The following INPP4B variants were observed in gnomAD, a reference collection of about 807,000 sequenced individuals.
The protein encoded by INPP4B is inositol polyphosphate 4-phosphatase type II.
In INPP4B, 55 loss-of-function variants were observed where a neutral mutation model predicts 122.5. The observed-to-expected ratio is 0.45, with a 90% CI of 0.36 to 0.56. INPP4B has a LOEUF of 0.56. Ranked by LOEUF, INPP4B falls within the 20% of genes least tolerant of loss-of-function variation. The probability of loss-of-function intolerance (pLI) is 0.00; values close to 1 mark genes in which losing one functional copy is unlikely to be tolerated. For missense variants in INPP4B, 1,000 were observed against 1,097.7 expected (o/e 0.91, Z 1.26); for synonymous variants, 403 against 388.7 (o/e 1.04, Z -0.43).
rs1042138201 is a variant in INPP4B at position 142,295,675 on chromosome 4, G to A, written c.503+9783C>T. Reference sequence around the variant, plus strand: ...CGACATGTGTCCTCTGAGCATCTTCGAGGGCCTTGAAAGGCTACTGAAGGC... The same window carrying A: ...CGACATGTGTCCTCTGAGCATCTTCAAGGGCCTTGAAAGGCTACTGAAGGC... On this transcript the variant is annotated intron_variant, in intron 9 of 25. Transcript: ENST00000262992. 3.3e-5 allele frequency among the ~76,000 whole-genome samples: 5 copies of A among 151,946 alleles called. No homozygotes were observed. In the East Asian group the frequency reaches 7.7e-4, roughly 23 times the overall value.
intron 7 of INPP4B, among the ~76,000 whole-genome samples, chr4:142,394,292 C>G (rs533205780): frequency 2.0e-5 from 3 of 152,120 alleles, no homozygotes; most frequent in Non-Finnish European, 4.4e-5. Flanking sequence ...ACTACAGGCT[C>G]CTGTCACCAC....
intron 3 of INPP4B, among the ~76,000 whole-genome samples, chr4:142,440,098 G>A (rs17016128): frequency 0.043 from 6,523 of 152,174 alleles, 310 homozygotes; most frequent in African/African-American, 0.11. Flanking sequence ...ATTCCAATAA[G>A]CACTAGATAA....
intron 17 of INPP4B, among the ~76,000 whole-genome samples, chr4:142,158,923 T>G (rs1818627146): frequency 1.3e-5 from 2 of 152,038 alleles, no homozygotes; most frequent in South Asian, 4.1e-4. Context: ...GGATGTTTAT[T>G]AAATAAAATA....
intron 2 of INPP4B, among the ~76,000 whole-genome samples, chr4:142,649,096 C>A (rs192063222): frequency 8.5e-5 from 13 of 152,308 alleles, no homozygotes; most frequent in Admixed American, 8.5e-4. Flanking sequence ...AGTGGACTTC[C>A]AGCAAACTTC....
chr4:142,190,726 G>C (rs1203539541), intron 15 of INPP4B, among the ~76,000 whole-genome samples: 1 of 143,764 alleles, frequency 7.0e-6, no homozygotes, highest in Admixed American at 7.0e-5. Context: ...GAGTGTGTGT[G>C]TGTGTGTGTG....
intron 15 of INPP4B, among the ~76,000 whole-genome samples, chr4:142,191,807 T>C: frequency 6.6e-6 from 1 of 151,824 alleles, no homozygotes; most frequent in East Asian, 1.9e-4. Flanking sequence ...CAAACAAAAA[T>C]GAACAAAAAA....
At chr4:142,501,137 A>G (rs1294724113) in intron 2 of INPP4B, among the ~76,000 whole-genome samples, 1 of 152,224 alleles carries the variant, frequency 6.6e-6, no homozygotes, top group Non-Finnish European at 1.5e-5. Flanking sequence ...ATTAGTAAAC[A>G]CAGATTGCCT....
At chr4:142,667,245 A>G (rs1756246768) in intron 2 of INPP4B, among the ~76,000 whole-genome samples, 1 of 152,068 alleles carries the variant, frequency 6.6e-6, no homozygotes. Flanking sequence ...TCCAGCCTTC[A>G]CATTTTAGTT....
rs546083600 is a variant in INPP4B at position 142,330,814 on chromosome 4, C to T, written c.373-16052G>A. On this transcript the variant is annotated intron_variant, in intron 7 of 25. Coordinates refer to ENST00000262992, the MANE Select transcript of INPP4B (RefSeq NM_001101669.3). ...GTAAAGTGGGTTTACACTCAGTATT[C>T]TTGCTGCCTCGGGGCTTAAAGAAGT... is the stretch of plus-strand genomic sequence containing the variant. 2.6e-5 allele frequency among the ~76,000 whole-genome samples: 4 copies of T among 152,232 alleles called. No individual in the cohort carries two copies. The South Asian group carries it at 6.2e-4, about 24-fold the overall frequency.
At chr4:142,731,416 A>T (rs1465962) in intron 1 of INPP4B, among the ~76,000 whole-genome samples, 100,799 of 152,038 alleles carry the variant, frequency 0.66, 33,602 homozygotes, top group East Asian at 0.81. Flanking sequence ...AAATAAAATT[A>T]AAAAAGGCAG....
At chr4:142,516,464 T>A (rs1199507722) in intron 2 of INPP4B, among the ~76,000 whole-genome samples, 5 of 152,150 alleles carry the variant, frequency 3.3e-5, no homozygotes, top group African/African-American at 1.2e-4. Flanking sequence ...CCCATAATCA[T>A]CTTCTTTCAC....
chr4:142,763,220 T>C (rs1408083411), intron 1 of INPP4B, among the ~76,000 whole-genome samples: 3 of 152,208 alleles, frequency 2.0e-5, no homozygotes, highest in Non-Finnish European at 4.4e-5. Context: ...TCTTAAATGA[T>C]ATTGTGAAAA....
At chr4:142,302,027 A>T (rs2627809) in intron 9 of INPP4B, among the ~76,000 whole-genome samples, 134,384 of 152,104 alleles carry the variant, frequency 0.88, 59,424 homozygotes, top group East Asian at 0.98. Flanking sequence ...GTTCTGCTTA[A>T]CTGGTCTCCC....
chr4:142,522,283 T>G (rs1826185431), intron 2 of INPP4B, among the ~76,000 whole-genome samples: 2 of 151,918 alleles, frequency 1.3e-5, no homozygotes, highest in Admixed American at 6.6e-5. Context: ...CATCTACTAT[T>G]GTGTCATGTA....
chr4:142,402,435 T>C (rs942869519), intron 7 of INPP4B, among the ~76,000 whole-genome samples: 2 of 152,184 alleles, frequency 1.3e-5, no homozygotes, highest in Non-Finnish European at 2.9e-5. Flanking sequence ...CTGGCCTTCT[T>C]GAAAAGAGAG....
At chr4:142,510,568 T>C (rs1267921045) in intron 2 of INPP4B, among the ~76,000 whole-genome samples, 2 of 152,198 alleles carry the variant, frequency 1.3e-5, no homozygotes, top group Non-Finnish European at 2.9e-5. Flanking sequence ...CTCAAAATAT[T>C]TGTAGGTAGC....
At chr4:142,335,201 A>G (rs1392925256) in intron 7 of INPP4B, among the ~76,000 whole-genome samples, 1 of 151,048 alleles carries the variant, frequency 6.6e-6, no homozygotes, top group African/African-American at 2.4e-5. Flanking sequence ...CACCATTTCC[A>G]TGAGAGCTTC....
intron 8 of INPP4B, among the ~76,000 whole-genome samples, chr4:142,314,066 T>G (rs1766556264): frequency 6.6e-6 from 1 of 152,190 alleles, no homozygotes; most frequent in South Asian, 2.1e-4. Context: ...CCTAATTAAC[T>G]TCTGGTCTTT....
At chr4:142,737,282 G>A (rs1767093259) in intron 1 of INPP4B, among the ~76,000 whole-genome samples, 1 of 152,152 alleles carries the variant, frequency 6.6e-6, no homozygotes, top group African/African-American at 2.4e-5. Context: ...CAATGGAACA[G>A]AACAGAGTCC....
Sources: gnomAD v4.1 joint callset for allele counts (sites outside exome capture counted in the v4.1 genomes callset) on GRCh38, gnomAD v4.1.1 for gene constraint, MANE v1.5 for transcripts, NCBI Gene and HGNC (gene_info 2026-07-23, HGNC 2026-07-21) for gene names.